The following BRCA1 variants were observed in gnomAD, a reference collection of about 807,000 sequenced individuals.
BRCA1 encodes the protein breast cancer type 1 susceptibility protein.
Under a neutral mutation model 173.7 loss-of-function variants are expected in BRCA1, and 140 were observed. The ratio of observed to expected loss-of-function variants is 0.81; its 90% CI spans 0.70 to 0.93. The LOEUF (loss-of-function observed/expected upper bound fraction) is 0.93. BRCA1 is among the 40% of genes least tolerant of loss of function. BRCA1 has a pLI of 0.00. For synonymous variants in BRCA1, 662 were observed against 756.0 expected (o/e 0.88, Z 2.04); for missense variants, 1,983 against 2,172.5 (o/e 0.91, Z 1.73).
intron 3 of BRCA1, chr17:43,112,629 T>C (rs2055088008): frequency 6.7e-6 from 1 of 149,258 alleles, no homozygotes; most frequent in Non-Finnish European, 1.5e-5. Context: ...AACAAAAATA[T>C]ATATGTGTCA....
chr17:43,139,056 T>C, intron 1 of BRCA1: 1 of 698,856 alleles, frequency 1.4e-6, no homozygotes, highest in African/African-American at 1.8e-5. Context: ...ATTTCTGTTT[T>C]CCTATCTGGG....
chr17:43,125,111 T>TTCCC, intron 1 of BRCA1, 160 bp downstream of exon 1: 2 of 423,312 alleles, frequency 4.7e-6, no homozygotes, highest in African/African-American at 2.3e-5. Flanking sequence ...ACCTACAAAC[T>TTCCC]GCCCCCCTCC....
intron 12 of BRCA1, among the ~76,000 whole-genome samples, chr17:43,078,328 G>A (rs912008252): frequency 3.7e-4 from 57 of 152,166 alleles, no homozygotes; most frequent in Non-Finnish European, 2.1e-4. Context: ...CAGGTGATCC[G>A]CCAACCTTGG....
chr17:43,153,260 T>G (rs1183617765), intron 1 of BRCA1, among the ~76,000 whole-genome samples: 1 of 152,104 alleles, frequency 6.6e-6, no homozygotes, highest in African/African-American at 2.4e-5. Flanking sequence ...AAGCAGAAAC[T>G]CAGTTGTATG....
chr17:43,077,718 CTTAT>C (rs1203809758), intron 12 of BRCA1, among the ~76,000 whole-genome samples: 2 of 150,566 alleles, frequency 1.3e-5, no homozygotes, highest in African/African-American at 4.9e-5. Flanking sequence ...GGCAGAAGTA[CTTAT>C]TTATTTATTT....
At chr17:43,133,976 C>A (rs115168048) in intron 1 of BRCA1, among the ~76,000 whole-genome samples, 11 of 152,284 alleles carry the variant, frequency 7.2e-5, no homozygotes, top group African/African-American at 2.6e-4. Context: ...TCTGGGTGTA[C>A]CCTCCCCTGA....
At chr17:43,117,795 A>G (rs2154567646) in intron 2 of BRCA1, among the ~76,000 whole-genome samples, 1 of 152,218 alleles carries the variant, frequency 6.6e-6, no homozygotes, top group Non-Finnish European at 1.5e-5. Context: ...CCAAGTTCCC[A>G]TCCCTACCTG....
In BRCA1 at chr17:43,049,192, G is replaced by A. The variant is rs397509267; in HGVS notation, c.5335C>T (p.Gln1779Ter). The A allele has an allele frequency of 6.2e-7, 1 of 1,613,788 alleles. No homozygotes were observed. The highest frequency in any genetic ancestry group is 8.5e-7 in the Non-Finnish European group (1 of 1,179,718). ...YGPFTNMPTD[Q>*]LEWMVQLCGA... ...CACAGCTGTACCATCCATTCCAGTT[G>A]ATCTAAAATGGACATTTAGATGTAA... The change falls in exon 21 of 23, where the codon CAA (glutamine) becomes TAA (stop). Residue 1779 changes from glutamine to a stop codon, truncating the protein, a stop_gained and splice_region_variant. Transcript: ENST00000357654. LOFTEE classifies it high-confidence loss of function.
intron 13 of BRCA1, 102 bp downstream of exon 13, chr17:43,076,386 T>C: frequency 1.4e-6 from 2 of 1,411,820 alleles, no homozygotes; most frequent in South Asian, 1.2e-5. Context: ...AATGCCTGTA[T>C]GCAAAAAACT....
intron 12 of BRCA1, chr17:43,079,786 G>A (rs773776207): frequency 8.6e-5 from 62 of 721,156 alleles, no homozygotes; most frequent in Non-Finnish European, 1.2e-4. Flanking sequence ...CATAATAGGT[G>A]TTAAAAAAAA....
At position 43,094,075 on chromosome 17, in the gene BRCA1, A is replaced by G. The variant is rs55906931; in HGVS notation, c.1456T>C (p.Phe486Leu). The G allele has an allele frequency of 3.5e-4, 562 of 1,614,110 alleles. 8 individuals carry two copies. The Middle Eastern group carries it at 0.019, about 54-fold the overall frequency. ...HVTENLIIGAFVTEPQIIQER... is the reference protein window; with the variant it reads ...HVTENLIIGALVTEPQIIQER... ...TGTATTATCTGTGGCTCAGTAACAA[A>G]TGCTCCTATAATTAGATTTTCAGTT... The change falls in exon 10 of 23, where the codon TTT (phenylalanine) becomes CTT (leucine). Residue 486 changes from phenylalanine (F) to leucine (L), a missense_variant. Phe to Leu is a conservative substitution (Grantham distance 22). Coordinates refer to ENST00000357654, the MANE Select transcript of BRCA1 (RefSeq NM_007294.4).
At chr17:43,125,006 T>C (rs2055804443) in intron 1 of BRCA1, 1 of 382,718 alleles carries the variant, frequency 2.6e-6, no homozygotes, top group South Asian at 1.9e-5. Flanking sequence ...TTTAAAGACA[T>C]AGTGTCCCCC....
At chr17:43,138,316 C>T (rs35727110) in intron 1 of BRCA1, 4,313 of 374,598 alleles carry the variant, frequency 0.012, 68 homozygotes, top group East Asian at 0.061. Flanking sequence ...GCCTGCGGAC[C>T]GCTCAGCTTT....
intron 19 of BRCA1, 37 bp downstream of exon 19, chr17:43,057,015 G>A (rs1567764110): frequency 1.9e-6 from 3 of 1,583,110 alleles, no homozygotes; most frequent in Non-Finnish European, 8.7e-7. Flanking sequence ...AGAGTGGTGG[G>A]GTGAGATTTT....
At chr17:43,119,692 GATT>G (rs2055461395) in intron 2 of BRCA1, among the ~76,000 whole-genome samples, 1 of 152,114 alleles carries the variant, frequency 6.6e-6, no homozygotes, top group Non-Finnish European at 1.5e-5. Context: ...AGAAAACTCT[GATT>G]GGTTACTAAA....
intron 19 of BRCA1, among the ~76,000 whole-genome samples, chr17:43,051,930 C>T (rs984664718): frequency 6.6e-6 from 1 of 152,172 alleles, no homozygotes; most frequent in African/African-American, 2.4e-5. Context: ...CCACTGCGCC[C>T]GGCCCTCTCT....
Position 43,092,647 on chromosome 17 carries a change from C to T in BRCA1, c.2884G>A (p.Glu962Lys), listed in dbSNP as rs80356955. 2.2e-5 allele frequency: 35 copies of T among 1,613,898 alleles called. No individual in the cohort carries two copies. The highest frequency in any genetic ancestry group is 4.4e-5 in the South Asian group (4 of 91,072). Reference protein sequence around the residue: ...FCLSSQFRGNETGLITPNKHG... With the variant: ...FCLSSQFRGNKTGLITPNKHG... Reference sequence around the variant, plus strand: ...TTATTTGGAGTAATGAGTCCAGTTTCGTTGCCTCTGAACTGAGATGATAGA... The same window carrying T: ...TTATTTGGAGTAATGAGTCCAGTTTTGTTGCCTCTGAACTGAGATGATAGA... The change falls in exon 10 of 23, where the codon GAA (glutamate) becomes AAA (lysine). Residue 962 changes from glutamate (E) to lysine (K), a missense_variant. Coordinates refer to ENST00000357654, the MANE Select transcript of BRCA1 (RefSeq NM_007294.4).
chr17:43,051,035 G>T (rs745573228), intron 20 of BRCA1, 28 bp downstream of exon 20: 1 of 1,606,848 alleles, frequency 6.2e-7, no homozygotes, highest in Non-Finnish European at 8.5e-7. Context: ...GCTGGTGCTG[G>T]AACTCTGGGG....
intron 1 of BRCA1, among the ~76,000 whole-genome samples, chr17:43,154,213 C>G (rs9894934): frequency 0.015 from 2,230 of 151,092 alleles, 46 homozygotes; most frequent in African/African-American, 0.052. Context: ...AGGCCAGGCA[C>G]GGGGGCTCAC....
Sources: gnomAD v4.1 joint callset for allele counts (sites outside exome capture counted in the v4.1 genomes callset) on GRCh38, gnomAD v4.1.1 for gene constraint, MANE v1.5 for transcripts, NCBI Gene and HGNC (gene_info 2026-07-23, HGNC 2026-07-21) for gene names.